PCCA: variants seen among roughly 807,000 people sequenced by gnomAD.
The protein encoded by PCCA is propionyl-CoA carboxylase alpha chain, mitochondrial.
Under a neutral mutation model 101.3 loss-of-function variants are expected in PCCA, and 74 were observed. That is an observed-to-expected ratio of 0.73 (90% CI 0.61 to 0.89). The LOEUF is 0.89. Among genes scored for constraint, PCCA ranks in the 40% least tolerant of loss-of-function variants. The pLI is 0.00. For synonymous variants in PCCA, 294 were observed against 313.6 expected (o/e 0.94, Z 0.66); for missense variants, 891 against 907.0 (o/e 0.98, Z 0.23).
chr13:100,122,138 G>A (rs1303218779), intron 4 of PCCA, among the ~76,000 whole-genome samples: 1 of 152,094 alleles, frequency 6.6e-6, no homozygotes, highest in African/African-American at 2.4e-5. Context: ...TTATTTATAT[G>A]GTGTATTGTT....
At chr13:100,244,376 C>T (rs949951655) in intron 8 of PCCA, among the ~76,000 whole-genome samples, 8 of 151,962 alleles carry the variant, frequency 5.3e-5, no homozygotes, top group African/African-American at 1.9e-4. Flanking sequence ...TTTATTATTC[C>T]AACATGCACA....
chr13:100,329,085 C>T (rs550833796), intron 16 of PCCA, among the ~76,000 whole-genome samples: 4 of 149,278 alleles, frequency 2.7e-5, no homozygotes, highest in South Asian at 2.1e-4. Flanking sequence ...AACATAATTG[C>T]GGTTTTTGCA....
In PCCA at chr13:100,394,372, T is replaced by G. The variant is rs552579293; in HGVS notation, c.1746+25798T>G. 6.6e-6 allele frequency among the ~76,000 whole-genome samples: 1 copy of G among 152,278 alleles called. No individual in the cohort carries two copies. The highest frequency in any genetic ancestry group is 2.4e-5 in the African/African-American group (1 of 41,560). ...ACTGTTATTATTAAGAAAACACAGC[T>G]TTCTTCAGCGAGGTTCCTTTTGCAT... On this transcript the variant is annotated intron_variant, in intron 19 of 23. Transcript: ENST00000376285. The surrounding 1 kb of genome is among the most constrained non-coding windows in gnomAD (Gnocchi z 4.3).
chr13:100,381,166 C>T (rs1273189075), intron 19 of PCCA, among the ~76,000 whole-genome samples: 8 of 152,188 alleles, frequency 5.3e-5, no homozygotes, highest in African/African-American at 1.7e-4. Flanking sequence ...AGGTGGATCA[C>T]GAGGTCAGGA....
intron 12 of PCCA, among the ~76,000 whole-genome samples, chr13:100,283,153 C>T (rs957186891): frequency 6.6e-6 from 1 of 152,152 alleles, no homozygotes; most frequent in Non-Finnish European, 1.5e-5. Context: ...GGAGAGACGT[C>T]ATGCTACTGT....
At chr13:100,160,508 G>GA (rs5806153) in intron 6 of PCCA, among the ~76,000 whole-genome samples, 33,239 of 128,760 alleles carry the variant, frequency 0.26, 4,924 homozygotes, top group East Asian at 0.61. Flanking sequence ...GTCTAAAAAA[G>GA]AAAAAAAAAA....
intron 22 of PCCA, among the ~76,000 whole-genome samples, chr13:100,520,853 G>T (rs921262496): frequency 6.6e-6 from 1 of 152,102 alleles, no homozygotes; most frequent in Non-Finnish European, 1.5e-5. Flanking sequence ...CAAGCTTGGC[G>T]TTTGATTTTT....
At chr13:100,228,109 G>A (rs972113184) in intron 7 of PCCA, among the ~76,000 whole-genome samples, 1 of 151,868 alleles carries the variant, frequency 6.6e-6, no homozygotes, top group African/African-American at 2.4e-5. Context: ...TCTGCCTCCC[G>A]GGTTCAATCA....
chr13:100,488,743 C>T (rs2084631597), intron 21 of PCCA, among the ~76,000 whole-genome samples: 1 of 151,530 alleles, frequency 6.6e-6, no homozygotes, highest in Admixed American at 6.6e-5. Flanking sequence ...GAGTTTGAGC[C>T]TGCAGTGAGC....
chr13:100,457,283 C>T (rs548469917), intron 21 of PCCA, among the ~76,000 whole-genome samples: 62 of 152,238 alleles, frequency 4.1e-4, no homozygotes, highest in African/African-American at 6.7e-4. Context: ...CAGTCTCTTG[C>T]CTCGGCACCT....
rs145567253 is a variant in PCCA at position 100,370,005 on chromosome 13, A to G, written c.1746+1431A>G. On this transcript the variant is annotated intron_variant, in intron 19 of 23. Transcript: ENST00000376285. ...TACTGTAATCTGATATTCTGATACA[A>G]TGTTCTTTTAAGTAGTGCCTTACCT... 5.9e-3 allele frequency among the ~76,000 whole-genome samples: 877 copies of G among 149,860 alleles called. 14 individuals carry two copies. Among genetic ancestry groups the G allele is most frequent in the African/African-American group, 0.013 (551 of 40,970 alleles).
chr13:100,384,964 A>G (rs1445616575), intron 19 of PCCA, among the ~76,000 whole-genome samples: 1 of 152,074 alleles, frequency 6.6e-6, no homozygotes, highest in African/African-American at 2.4e-5. Context: ...TTTTGAAGTC[A>G]TATTTTATAT....
intron 21 of PCCA, among the ~76,000 whole-genome samples, chr13:100,487,264 G>C (rs755696068): frequency 3.3e-5 from 5 of 152,152 alleles, no homozygotes; most frequent in Non-Finnish European, 7.3e-5. Context: ...TATTACTAAG[G>C]TGCTTGAAGG....
At chr13:100,346,966 T>C (rs9585406) in intron 18 of PCCA, among the ~76,000 whole-genome samples, 88,280 of 151,744 alleles carry the variant, frequency 0.58, 25,821 homozygotes, top group Non-Finnish European at 0.62. Flanking sequence ...CTCCGCCTCC[T>C]GTGTTCAAGC....
At chr13:100,433,341 G>T (rs1400904082) in intron 20 of PCCA, among the ~76,000 whole-genome samples, 2 of 152,214 alleles carry the variant, frequency 1.3e-5, no homozygotes, top group East Asian at 3.9e-4. Flanking sequence ...GGGGTGAAGT[G>T]GTATCTCATT....
intron 19 of PCCA, among the ~76,000 whole-genome samples, chr13:100,408,596 G>A (rs1485544970): frequency 6.6e-6 from 1 of 152,206 alleles, no homozygotes; most frequent in Non-Finnish European, 1.5e-5. Context: ...CAGTCACTGG[G>A]TGGGGCCCTT....
intron 4 of PCCA, among the ~76,000 whole-genome samples, chr13:100,137,632 T>C (rs890488562): frequency 6.6e-6 from 1 of 152,206 alleles, no homozygotes; most frequent in Non-Finnish European, 1.5e-5. Flanking sequence ...GCCTACTTTT[T>C]CTGATACTAA....
chr13:100,380,131 G>C (rs1351464530), intron 19 of PCCA, among the ~76,000 whole-genome samples: 1 of 152,126 alleles, frequency 6.6e-6, no homozygotes. Context: ...GGAGGCCAAG[G>C]CAGGAGGATG....
chr13:100,480,200 C>T (rs1206475499), intron 21 of PCCA: 1 of 146,894 alleles, frequency 6.8e-6, no homozygotes, highest in Non-Finnish European at 1.5e-5. Flanking sequence ...ATGCCTTTCT[C>T]TTTGCAAAGC....
Sources: gnomAD v4.1 joint callset for allele counts (sites outside exome capture counted in the v4.1 genomes callset) on GRCh38, gnomAD v4.1.1 for gene constraint, Gnocchi (gnomAD v3.1) non-coding constraint, MANE v1.5 for transcripts, NCBI Gene and HGNC (gene_info 2026-07-23, HGNC 2026-07-21) for gene names.